The following DPYD variants were observed in gnomAD, a reference collection of about 807,000 sequenced individuals.
DPYD encodes dihydropyrimidine dehydrogenase [NADP(+)].
A neutral mutation model predicts 116.2 loss-of-function variants in DPYD; 109 were observed. The ratio of observed to expected loss-of-function variants is 0.94; its 90% CI spans 0.80 to 1.10. DPYD has a LOEUF of 1.10. Among genes scored for constraint, DPYD ranks in the 50% least tolerant of loss-of-function variants. The pLI is 0.00. For missense variants in DPYD, 1,302 were observed against 1,254.5 expected (o/e 1.04, Z -0.57); for synonymous variants, 440 against 432.0 (o/e 1.02, Z -0.23).
At position 97,227,111 on chromosome 1, in the gene DPYD, G is replaced by A. The variant is rs115411609; in HGVS notation, c.2442+7741C>T. 1.7e-3 allele frequency among the ~76,000 whole-genome samples: 256 copies of A among 152,018 alleles called. 1 individual carries two copies. Among genetic ancestry groups the A allele is most frequent in the African/African-American group, 5.9e-3 (246 of 41,474 alleles). ...GGGAGGCTGAGTGGGTGGATCACAA[G>A]GTCAGAAGATCGAGACCATCCTGGC... On this transcript the variant is annotated intron_variant, in intron 19 of 22. Coordinates refer to ENST00000370192, the MANE Select transcript of DPYD (RefSeq NM_000110.4).
chr1:97,188,769 T>C (rs1658167768), intron 20 of DPYD, among the ~76,000 whole-genome samples: 2 of 152,182 alleles, frequency 1.3e-5, no homozygotes. Context: ...ATGGTAGACA[T>C]TGCATTAGGC....
intron 18 of DPYD, among the ~76,000 whole-genome samples, chr1:97,241,994 C>G (rs566782446): frequency 3.8e-4 from 57 of 150,156 alleles, no homozygotes; most frequent in African/African-American, 1.4e-3. Context: ...TTTTGTAACC[C>G]ATATATTATT....
intron 8 of DPYD, among the ~76,000 whole-genome samples, chr1:97,602,641 A>G (rs1655330590): frequency 6.6e-6 from 1 of 151,964 alleles, no homozygotes. Context: ...GTTTAACAAA[A>G]TTATGGCTTT....
intron 13 of DPYD, among the ~76,000 whole-genome samples, chr1:97,478,453 A>AT (rs1224491336): frequency 2.0e-5 from 3 of 151,890 alleles, no homozygotes; most frequent in African/African-American, 7.3e-5. Context: ...ATGCCCAGCT[A>AT]TTTTTTGTAT....
intron 5 of DPYD, chr1:97,720,882 A>C (rs1348713538): frequency 6.2e-7 from 1 of 1,609,534 alleles, no homozygotes; most frequent in Non-Finnish European, 8.5e-7. Flanking sequence ...TGAAGAATCA[A>C]AGTCTTTACA....
intron 20 of DPYD, among the ~76,000 whole-genome samples, chr1:97,176,897 T>TGTGGGG (rs1553228786): frequency 1.4e-4 from 11 of 79,702 alleles, no homozygotes; most frequent in Non-Finnish European, 9.2e-5. Context: ...TGTGTGTGTG[T>TGTGGGG]AGGGGGGGTG....
chr1:97,905,719 T>C (rs1040529554), intron 1 of DPYD, among the ~76,000 whole-genome samples: 9 of 152,032 alleles, frequency 5.9e-5, no homozygotes, highest in Non-Finnish European at 1.3e-4. Context: ...AAGGACTCCT[T>C]GAAGAACCGA....
chr1:97,197,275 A>C (rs1368130594), intron 19 of DPYD, among the ~76,000 whole-genome samples: 1 of 152,038 alleles, frequency 6.6e-6, no homozygotes, highest in Non-Finnish European at 1.5e-5. Context: ...TTTCCTCCAC[A>C]GGGGTATTTT....
At chr1:97,455,354 T>C (rs1478606974) in intron 13 of DPYD, among the ~76,000 whole-genome samples, 1 of 151,938 alleles carries the variant, frequency 6.6e-6, no homozygotes, top group Non-Finnish European at 1.5e-5. Context: ...ACATTTGTTT[T>C]GTTTTCTTAA....
intron 12 of DPYD, among the ~76,000 whole-genome samples, chr1:97,533,818 G>T (rs1318445005): frequency 6.6e-6 from 1 of 152,136 alleles, no homozygotes; most frequent in African/African-American, 2.4e-5. Context: ...GAGAAAACCA[G>T]CGTAGTTGCC....
In DPYD at chr1:97,675,773, G is replaced by A. The variant is rs977717852; in HGVS notation, c.850+3322C>T. Among the ~76,000 whole-genome samples the A allele has an allele frequency of 6.5e-4, 96 of 146,936 alleles. 1 individual carries two copies. Among genetic ancestry groups the A allele is most frequent in the Admixed American group, 2.3e-3 (34 of 14,826 alleles). On this transcript the variant is annotated intron_variant, in intron 8 of 22. Transcript: ENST00000370192. ...TCTCTTTTTTTTTTTTTTTGTAGAC[G>A]GAGTCTTGCTCTGTCAGGAGGCTGG...
intron 14 of DPYD, among the ~76,000 whole-genome samples, chr1:97,399,684 C>T (rs1673244509): frequency 6.6e-6 from 1 of 151,922 alleles, no homozygotes; most frequent in Non-Finnish European, 1.5e-5. Context: ...AGTTGGATTC[C>T]TAGGTATTTT....
chr1:97,340,781 G>C (rs1464725788), intron 16 of DPYD, among the ~76,000 whole-genome samples: 1 of 152,174 alleles, frequency 6.6e-6, no homozygotes, highest in African/African-American at 2.4e-5. Context: ...TAGATAAGTT[G>C]AGTGATACAA....
At chr1:97,589,033 C>T (rs1381506364) in intron 10 of DPYD, among the ~76,000 whole-genome samples, 4 of 152,274 alleles carry the variant, frequency 2.6e-5, no homozygotes, top group Middle Eastern at 3.4e-3. Context: ...CCACCCCAGA[C>T]TTACTGAATC....
At chr1:97,910,199 A>AT (rs1673867324) in intron 1 of DPYD, among the ~76,000 whole-genome samples, 1 of 152,018 alleles carries the variant, frequency 6.6e-6, no homozygotes, top group African/African-American at 2.4e-5. Flanking sequence ...TTTTTTTACT[A>AT]TTGTTCCTCC....
intron 12 of DPYD, among the ~76,000 whole-genome samples, chr1:97,535,049 G>A (rs1649895501): frequency 1.3e-5 from 2 of 152,038 alleles, no homozygotes; most frequent in African/African-American, 4.8e-5. Context: ...AGAGACATAA[G>A]TGAGAAAACC....
chr1:97,095,579 G>A (rs1043862286), intron 21 of DPYD, among the ~76,000 whole-genome samples: 1 of 151,566 alleles, frequency 6.6e-6, no homozygotes, highest in Non-Finnish European at 1.5e-5. Flanking sequence ...ATCACAAAAT[G>A]AGCCTTTGCT....
At chr1:97,874,003 G>A (rs1671783187) in intron 2 of DPYD, among the ~76,000 whole-genome samples, 1 of 151,906 alleles carries the variant, frequency 6.6e-6, no homozygotes, top group African/African-American at 2.4e-5. Context: ...AGGAAAGGGA[G>A]TATAAGGAGT....
intron 12 of DPYD, among the ~76,000 whole-genome samples, chr1:97,535,427 C>T (rs2102036832): frequency 6.6e-6 from 1 of 152,232 alleles, no homozygotes; most frequent in East Asian, 1.9e-4. Flanking sequence ...CCAATTGATA[C>T]TGCAGTGGTT....
Sources: allele counts gnomAD v4.1 joint callset (sites outside exome capture counted in the v4.1 genomes callset), GRCh38; gene constraint gnomAD v4.1.1; transcripts MANE v1.5; gene names NCBI Gene and HGNC (gene_info 2026-07-23, HGNC 2026-07-21).